Variants in QTGAL observed in about 807,000 individuals in gnomAD.
The protein encoded by QTGAL is queuosine-tRNA galactosyltransferase, also known as BGnT-like protein 1.
At chr17:83,043,630 C>T in the QTGAL span, among the ~76,000 whole-genome samples, 1 of 151,988 alleles carries the variant, frequency 6.6e-6, no homozygotes, top group South Asian at 2.1e-4. Context: ...ATAAACTAAA[C>T]ACACAGCTAG....
At chr17:82,947,039 G>A in the QTGAL span, 2 of 1,460,464 alleles carry the variant, frequency 1.4e-6, no homozygotes, top group Non-Finnish European at 9.4e-7. Context: ...GGAGGCCACT[G>A]TGGAGCCTCC....
the QTGAL span, chr17:83,048,669 C>T: frequency 6.2e-7 from 1 of 1,612,898 alleles, no homozygotes; most frequent in East Asian, 2.2e-5. Context: ...TCCTACAAAC[C>T]TTACTGGCAT....
the QTGAL span, among the ~76,000 whole-genome samples, chr17:83,028,840 G>A: frequency 1.4e-3 from 220 of 152,126 alleles, no homozygotes; most frequent in African/African-American, 5.0e-3. Context: ...CTAGTAACCC[G>A]AACTGGAAAC....
At chr17:82,983,046 C>T in the QTGAL span, among the ~76,000 whole-genome samples, 3 of 152,116 alleles carry the variant, frequency 2.0e-5, no homozygotes, top group Non-Finnish European at 2.9e-5. Flanking sequence ...TTCGGGAGGC[C>T]GAGGCAGATG....
the QTGAL span, among the ~76,000 whole-genome samples, chr17:82,963,748 G>A: frequency 1.3e-5 from 2 of 152,088 alleles, no homozygotes; most frequent in African/African-American, 2.4e-5. Flanking sequence ...TGTTAGATGA[G>A]GTGCGCCCCT....
chr17:82,949,146 A>G, the QTGAL span: 1 of 152,256 alleles, frequency 6.6e-6, no homozygotes, highest in Non-Finnish European at 1.5e-5. Flanking sequence ...CAGGTGCTCC[A>G]TCGCTGGTGG....
At chr17:83,001,245 C>T in the QTGAL span, among the ~76,000 whole-genome samples, 4 of 152,250 alleles carry the variant, frequency 2.6e-5, no homozygotes, top group East Asian at 5.8e-4. Context: ...TAAATGAGAC[C>T]AGGGAGATGC....
the QTGAL span, among the ~76,000 whole-genome samples, chr17:82,977,770 A>G: frequency 6.6e-6 from 1 of 152,126 alleles, no homozygotes; most frequent in Non-Finnish European, 1.5e-5. Flanking sequence ...GGCTGATTCC[A>G]GTCTGGGACC....
At chr17:82,987,082 TCC>T in the QTGAL span, among the ~76,000 whole-genome samples, 1 of 152,048 alleles carries the variant, frequency 6.6e-6, no homozygotes, top group Non-Finnish European at 1.5e-5. Context: ...AAGTCTAAAA[TCC>T]CCCAAATCAC....
At chr17:83,037,863 T>G in the QTGAL span, among the ~76,000 whole-genome samples, 2 of 152,230 alleles carry the variant, frequency 1.3e-5, no homozygotes, top group Non-Finnish European at 2.9e-5. This position sits in a 1 kb window ranked among gnomAD's most constrained non-coding sequence, Gnocchi z 5.2. Context: ...GCTTTAATAT[T>G]ATTGCCTTGA....
chr17:83,028,151 C>T, the QTGAL span, among the ~76,000 whole-genome samples: 2 of 152,060 alleles, frequency 1.3e-5, no homozygotes, highest in Admixed American at 1.3e-4. Context: ...GGTCCCATGG[C>T]AGCCGGGGAT....
chr17:83,037,327 A>G, the QTGAL span, among the ~76,000 whole-genome samples: 1 of 152,200 alleles, frequency 6.6e-6, no homozygotes, highest in Non-Finnish European at 1.5e-5. The surrounding 1 kb of genome is among the most constrained non-coding windows in gnomAD (Gnocchi z 5.2). Flanking sequence ...GCCGCACAGA[A>G]GCGAGACGCA....
chr17:82,970,888 C>G, the QTGAL span, among the ~76,000 whole-genome samples: 33,084 of 152,122 alleles, frequency 0.22, 3,888 homozygotes, highest in African/African-American at 0.29. Context: ...GCTGCCTTTG[C>G]GGGGGGCCTC....
At chr17:83,032,952 G>A in the QTGAL span, among the ~76,000 whole-genome samples, 1 of 152,180 alleles carries the variant, frequency 6.6e-6, no homozygotes. Flanking sequence ...TGGTGATCAA[G>A]GAAAAGAGCT....
At chr17:83,017,716 T>A in the QTGAL span, among the ~76,000 whole-genome samples, 3 of 152,246 alleles carry the variant, frequency 2.0e-5, no homozygotes, top group African/African-American at 7.2e-5. Flanking sequence ...CCTGGCTTGA[T>A]CATGACACAC....
chr17:82,961,253 C>A, the QTGAL span: 50 of 1,539,540 alleles, frequency 3.2e-5, no homozygotes, highest in Non-Finnish European at 4.0e-5. Context: ...GCACACTACA[C>A]CTGCGCTCAG....
the QTGAL span, among the ~76,000 whole-genome samples, chr17:83,020,935 A>G: frequency 6.6e-6 from 1 of 152,132 alleles, no homozygotes; most frequent in Non-Finnish European, 1.5e-5. Flanking sequence ...AGGTGGTTAC[A>G]TTTTCTATGG....
At chr17:83,008,216 C>A in the QTGAL span, among the ~76,000 whole-genome samples, 1 of 152,310 alleles carries the variant, frequency 6.6e-6, no homozygotes, top group East Asian at 1.9e-4. Context: ...GAGGCCTGTG[C>A]GCTGGCCTGA....
At chr17:82,968,994 C>G in the QTGAL span, among the ~76,000 whole-genome samples, 1 of 151,870 alleles carries the variant, frequency 6.6e-6, no homozygotes, top group East Asian at 2.0e-4. Context: ...ATTAGCTGGG[C>G]GTGGTGGCAG....
Sources: allele counts gnomAD v4.1 joint callset (sites outside exome capture counted in the v4.1 genomes callset), GRCh38; gene constraint gnomAD v4.1.1; non-coding constraint Gnocchi (gnomAD v3.1); transcripts MANE v1.5; gene names NCBI Gene and HGNC (gene_info 2026-07-23, HGNC 2026-07-21).